The following SPOUT1 variants were observed in gnomAD, a reference collection of about 807,000 sequenced individuals.
The protein encoded by SPOUT1 is SPOUT domain containing methyltransferase 1.
SPOUT1 carries 40 observed loss-of-function variants against 54.8 expected under a neutral mutation model. The ratio of observed to expected loss-of-function variants is 0.73; its 90% CI spans 0.57 to 0.95. The LOEUF (loss-of-function observed/expected upper bound fraction) is 0.95, where lower values mean the gene tolerates loss of function less well. Among genes scored for constraint, SPOUT1 ranks in the 40% least tolerant of loss-of-function variants. The pLI, the probability that SPOUT1 is intolerant of heterozygous loss-of-function variation, is 0.00. For missense variants in SPOUT1, 437 were observed against 499.5 expected, an observed-to-expected ratio of 0.87 and a Z score of 1.19; for synonymous variants, 193 against 200.3, an observed-to-expected ratio of 0.96 and a Z score of 0.31.
At chr9:128,829,059 A>G in intron 2 of SPOUT1, 51 bp downstream of exon 2, 1 of 1,552,596 alleles carries the variant, frequency 6.4e-7, no homozygotes, top group Non-Finnish European at 8.9e-7. Flanking sequence ...GGTTTGACTG[A>G]GCACTGGTGG....
At chr9:128,827,509 A>G (rs189444594) in intron 3 of SPOUT1, among the ~76,000 whole-genome samples, 1 of 152,232 alleles carries the variant, frequency 6.6e-6, no homozygotes, top group African/African-American at 2.4e-5. Context: ...CTGATATCTA[A>G]TAAGTCTTTA....
chr9:128,824,928 C>T, intron 8 of SPOUT1, 49 bp downstream of exon 8: 1 of 1,600,600 alleles, frequency 6.2e-7, no homozygotes, highest in South Asian at 1.1e-5. Flanking sequence ...GGTGGCTGAA[C>T]CCTGGAGCTC....
At position 128,822,357 on chromosome 9, in the gene SPOUT1, A is replaced by G; in HGVS notation, c.*408T>C. 6.2e-7 allele frequency: 1 copy of G among 1,613,926 alleles called. No individual in the cohort carries two copies. Among genetic ancestry groups the G allele is most frequent in the African/African-American group, 1.3e-5 (1 of 75,048 alleles). On this transcript the variant is annotated 3_prime_UTR_variant, in exon 12 of 12. Coordinates refer to ENST00000361256, the MANE Select transcript of SPOUT1 (RefSeq NM_016390.4). ...GAGGCTGATGGGAAATCCTACGTAA[A>G]GTACCAGGTCATCGGCAAGAACCAC...
rs1263858193 is a variant in SPOUT1 at position 128,826,269 on chromosome 9, G to C, written c.508+115C>G. On this transcript the variant is annotated intron_variant, in intron 6 of 11. Transcript: ENST00000361256. The surrounding 1 kb of genome is among the most constrained non-coding windows in gnomAD (Gnocchi z 5.5). ...ACCTGCGTCTTGGCATCAGACACAG[G>C]TCTTGCTCTCCCAGGCCTGCTTTCC... 30 of 1,556,584 alleles carry C rather than the reference G, an allele frequency of 1.9e-5. No individual in the cohort carries two copies. Among genetic ancestry groups the C allele is most frequent in the East Asian group, 2.2e-5 (1 of 44,476 alleles).
Position 128,820,478 on chromosome 9 carries a change from C to A in SPOUT1, c.*2287G>T. ...CTCAGTCCTCTCTGAAAGGTGGAGA[C>A]AGGCTCTTCCTTCATTCGACTCTTG... is the stretch of plus-strand genomic sequence containing the variant. On this transcript the variant is annotated 3_prime_UTR_variant, in exon 12 of 12. Coordinates refer to ENST00000361256, the MANE Select transcript of SPOUT1 (RefSeq NM_016390.4). The A allele has an allele frequency of 4.2e-6, 2 of 476,978 alleles. No individual in the cohort carries two copies. The allele number at this position is 476,978 out of a possible 1,614,324, so 29.5% of individuals were successfully genotyped here. A position where few individuals can be genotyped will look rare whatever the true frequency, so the allele number is the denominator to read the frequency against.
At chr9:128,828,705 C>CCT in intron 3 of SPOUT1, 30 bp downstream of exon 3, 1 of 1,610,528 alleles carries the variant, frequency 6.2e-7, no homozygotes, top group East Asian at 2.2e-5. Flanking sequence ...TGGGCCACAA[C>CCT]CTGTGGCCCT....
chr9:128,824,715 C>T, intron 9 of SPOUT1, 56 bp downstream of exon 9: 1 of 1,383,930 alleles, frequency 7.2e-7, no homozygotes, highest in Non-Finnish European at 1.0e-6. Flanking sequence ...GGCAAGGCTC[C>T]CGGCCACCTC....
In SPOUT1 at chr9:128,826,207, G is replaced by C; in HGVS notation, c.509-55C>G. On this transcript the variant is annotated intron_variant, in intron 6 of 11. Coordinates refer to ENST00000361256, the MANE Select transcript of SPOUT1 (RefSeq NM_016390.4). The surrounding 1 kb of genome is among the most constrained non-coding windows in gnomAD (Gnocchi z 5.5). Reference sequence around the variant, plus strand: ...GAAGTGCTAGGGCACACAGGGTGCAGTGGGGACCCTGGAGCGGAGTACCGG... The same window carrying C: ...GAAGTGCTAGGGCACACAGGGTGCACTGGGGACCCTGGAGCGGAGTACCGG... The C allele has an allele frequency of 6.4e-7, 1 of 1,571,726 alleles. No homozygotes were observed. The highest frequency in any genetic ancestry group is 8.6e-7 in the Non-Finnish European group (1 of 1,156,482).
At chr9:128,823,498 G>A (rs1417115032) in intron 11 of SPOUT1, among the ~76,000 whole-genome samples, 7 of 152,164 alleles carry the variant, frequency 4.6e-5, no homozygotes, top group East Asian at 1.9e-4. Context: ...CCAGAGGCCC[G>A]GAGCAGGGGT....
At position 128,820,487 on chromosome 9, in the gene SPOUT1, CCTTCATTCGACTCTTGGGAG is replaced by C. The variant is rs1830087470; in HGVS notation, c.*2258_*2277del. 2.0e-6 allele frequency: 1 copy of C among 498,582 alleles called. No individual in the cohort carries two copies. Among genetic ancestry groups the C allele is most frequent in the African/African-American group, 1.9e-5 (1 of 51,906 alleles). The allele number at this position is 498,582 out of a possible 1,614,324, so 30.9% of individuals were successfully genotyped here. On this transcript the variant is annotated 3_prime_UTR_variant, in exon 12 of 12. Transcript: ENST00000361256. Reference sequence around the variant, plus strand: ...CTCTGAAAGGTGGAGACAGGCTCTTCCTTCATTCGACTCTTGGGAGCTGAGAAAAGACTTTGACACCTGGG... The same window carrying C: ...CTCTGAAAGGTGGAGACAGGCTCTTCCTGAGAAAAGACTTTGACACCTGGG...
chr9:128,822,962 G>A, intron 11 of SPOUT1, 129 bp from the exon 12 acceptor site: 3 of 667,190 alleles, frequency 4.5e-6, no homozygotes, highest in East Asian at 2.7e-5. Context: ...GTAGGGCCTG[G>A]TGAGGTTAAT....
At position 128,826,936 on chromosome 9, in the gene SPOUT1, G is replaced by A. The variant is rs1830252677; in HGVS notation, c.368+96C>T. Reference sequence around the variant, plus strand: ...ATTTCAGGCAGGGCACGAGGGAAGAGCCAGGCATGTGGACGGGGCCATGGT... The same window carrying A: ...ATTTCAGGCAGGGCACGAGGGAAGAACCAGGCATGTGGACGGGGCCATGGT... On this transcript the variant is annotated intron_variant, in intron 4 of 11. Transcript: ENST00000361256. This position sits in a 1 kb window ranked among gnomAD's most constrained non-coding sequence, Gnocchi z 5.5. 7.7e-7 allele frequency: 1 copy of A among 1,293,088 alleles called. No individual in the cohort carries two copies. Among genetic ancestry groups the A allele is most frequent in the Admixed American group, 1.9e-5 (1 of 53,138 alleles). The allele number at this position is 1,293,088 out of a possible 1,614,324, so 80.1% of individuals were successfully genotyped here. A position where few individuals can be genotyped will look rare whatever the true frequency, so the allele number is the denominator to read the frequency against.
chr9:128,828,707 T>C (rs1335939406), intron 3 of SPOUT1, 28 bp downstream of exon 3: 12 of 1,611,598 alleles, frequency 7.4e-6, no homozygotes, highest in Non-Finnish European at 1.0e-5. Context: ...GGCCACAACC[T>C]GTGGCCCTCC....
At position 128,822,409 on chromosome 9, in the gene SPOUT1, G is replaced by C. The variant is rs1375776762; in HGVS notation, c.*356C>G. On this transcript the variant is annotated 3_prime_UTR_variant, in exon 12 of 12. Coordinates refer to ENST00000361256, the MANE Select transcript of SPOUT1 (RefSeq NM_016390.4). Reference sequence around the variant, plus strand: ...TGGCAGTGCCCACACACTTCTTCAAGGTGCTGATCCTGGAGGCAGCAGGTG... The same window carrying C: ...TGGCAGTGCCCACACACTTCTTCAACGTGCTGATCCTGGAGGCAGCAGGTG... The C allele has an allele frequency of 6.2e-7, 1 of 1,611,298 alleles. No homozygotes were observed. Among genetic ancestry groups the C allele is most frequent in the Non-Finnish European group, 8.5e-7 (1 of 1,178,932 alleles).
Position 128,824,150 on chromosome 9 carries a change from A to G in SPOUT1, c.836T>C (p.Phe279Ser). The G allele has an allele frequency of 3.1e-6, 5 of 1,613,196 alleles. No homozygotes were observed. The highest frequency in any genetic ancestry group is 3.4e-6 in the Non-Finnish European group (4 of 1,179,690). The change falls in exon 10 of 12, where the codon TTC becomes TCC. Residue 279 changes from phenylalanine (F) to serine (S), a missense_variant. Physicochemically the swap from Phe to Ser is radical, Grantham distance 155 (BLOSUM62 -2). Transcript: ENST00000361256. ...GATGGTCAGGTCATACCCATCTTGG[A>G]AGGGGGCCTCAGCAAACACAGCACC... is the stretch of plus-strand genomic sequence containing the variant. ...CLSAVFAEAPFQDGYDLTIGT... is the reference protein window; with the variant it reads ...CLSAVFAEAPSQDGYDLTIGT...
In SPOUT1 at chr9:128,826,250, G is replaced by T; in HGVS notation, c.509-98C>A. ...AGTACCGGCTCTGCCACAGACCTGC[G>T]TCTTGGCATCAGACACAGGTCTTGC... On this transcript the variant is annotated intron_variant, in intron 6 of 11. Transcript: ENST00000361256. This position sits in a 1 kb window ranked among gnomAD's most constrained non-coding sequence, Gnocchi z 5.5. 6.5e-7 allele frequency: 1 copy of T among 1,549,524 alleles called. No homozygotes were observed.
rs747427679 is a variant in SPOUT1, at chr9:128,822,630, T to C, written c.*135A>G. 1 of 1,562,366 alleles carries C rather than the reference T, an allele frequency of 6.4e-7. No homozygotes were observed. The highest frequency in any genetic ancestry group is 8.7e-7 in the Non-Finnish European group (1 of 1,152,808). ...AAGTGAGGGTGGAGCCCAGTGAGAC[T>C]GTGGGTGTGTGCAGGCCGGGGAGTA... On this transcript the variant is annotated 3_prime_UTR_variant, in exon 12 of 12. Coordinates refer to ENST00000361256, the MANE Select transcript of SPOUT1 (RefSeq NM_016390.4).
At chr9:128,825,093 C>T in intron 7 of SPOUT1, 44 bp from the exon 8 acceptor site, 20 of 1,423,950 alleles carry the variant, frequency 1.4e-5, no homozygotes, top group Non-Finnish European at 1.9e-5. Flanking sequence ...CTCTCAAGAT[C>T]AGCAGGGGCC....
rs1447139682 is a variant in SPOUT1, at chr9:128,827,161, G to A, written c.239C>T (p.Pro80Leu). The A allele has an allele frequency of 5.0e-6, 8 of 1,613,684 alleles. No homozygotes were observed. Among genetic ancestry groups the A allele is most frequent in the Admixed American group, 3.3e-5 (2 of 60,034 alleles). Residue 80 changes from proline to leucine, a missense_variant, in exon 4 of 12, where the codon CCG (proline) becomes CTG (leucine). By Grantham distance (98) the Pro-to-Leu change is moderately conservative. Transcript: ENST00000361256. Reference sequence around the variant, plus strand: ...CTGAGCATTGTCCAGGATGGAGCCCGGCAGGGCTACGCTCAGTGTGTAGGG... The same window carrying A: ...CTGAGCATTGTCCAGGATGGAGCCCAGCAGGGCTACGCTCAGTGTGTAGGG... ...GRPYTLSVAL[P>L]GSILDNAQSP...
Sources: allele counts gnomAD v4.1 joint callset (sites outside exome capture counted in the v4.1 genomes callset), GRCh38; gene constraint gnomAD v4.1.1; non-coding constraint Gnocchi (gnomAD v3.1); transcripts MANE v1.5; gene names NCBI Gene and HGNC (gene_info 2026-07-23, HGNC 2026-07-21).